The following SIL1 variants were observed in gnomAD, a reference collection of about 807,000 sequenced individuals.
SIL1 encodes the protein nucleotide exchange factor SIL1.
SIL1 carries 40 observed loss-of-function variants against 49.1 expected under a neutral mutation model. The observed-to-expected ratio is 0.81, with a 90% CI of 0.63 to 1.06. The LOEUF (loss-of-function observed/expected upper bound fraction) is 1.06. Ranked by LOEUF, SIL1 falls within the 50% of genes least tolerant of loss-of-function variation. The pLI, the probability that SIL1 is intolerant of heterozygous loss-of-function variation, is 0.00. For synonymous variants in SIL1, 253 were observed against 250.8 expected, an observed-to-expected ratio of 1.01 and a Z score of -0.08; for missense variants, 500 against 572.6, an observed-to-expected ratio of 0.87 and a Z score of 1.29.
At chr5:139,180,881 A>C (rs1751970903) in intron 1 of SIL1, among the ~76,000 whole-genome samples, 1 of 152,118 alleles carries the variant, frequency 6.6e-6, no homozygotes, top group Non-Finnish European at 1.5e-5. Context: ...TGAAGTCTCC[A>C]TAGCTCCTCT....
At chr5:138,976,987 C>G (rs989391165) in intron 7 of SIL1, among the ~76,000 whole-genome samples, 1 of 152,148 alleles carries the variant, frequency 6.6e-6, no homozygotes, top group African/African-American at 2.4e-5. Context: ...CAAGAGCTAC[C>G]TGGATCCACT....
chr5:139,011,685 A>G (rs1231161434), intron 7 of SIL1, among the ~76,000 whole-genome samples: 1 of 151,954 alleles, frequency 6.6e-6, no homozygotes, highest in Non-Finnish European at 1.5e-5. Context: ...TTTCACTCAT[A>G]GTGCCTTATT....
At chr5:138,950,497 G>T (rs1766745355) in intron 9 of SIL1, among the ~76,000 whole-genome samples, 1 of 152,228 alleles carries the variant, frequency 6.6e-6, no homozygotes, top group South Asian at 2.1e-4. Flanking sequence ...TCCAGCGGCT[G>T]CCCAGCCCTG....
intron 1 of SIL1, among the ~76,000 whole-genome samples, chr5:139,171,113 C>G (rs1254439291): frequency 6.6e-6 from 1 of 151,784 alleles, no homozygotes; most frequent in Admixed American, 6.5e-5. Context: ...GCCGCCCCGT[C>G]CGGGAGGTGA....
intron 1 of SIL1, among the ~76,000 whole-genome samples, chr5:139,153,505 T>A (rs1295868185): frequency 6.6e-6 from 1 of 152,216 alleles, no homozygotes; most frequent in Non-Finnish European, 1.5e-5. Flanking sequence ...ATTTAGAGTC[T>A]CTGTTAGACT....
chr5:139,148,323 G>C (rs372169924), intron 1 of SIL1, among the ~76,000 whole-genome samples: 1 of 152,110 alleles, frequency 6.6e-6, no homozygotes, highest in East Asian at 1.9e-4. Flanking sequence ...AACTGACAGG[G>C]GTACAGCTCA....
Position 139,079,118 on chromosome 5 carries a change from A to C in SIL1, c.245-28072T>G, listed in dbSNP as rs181982483. Among the ~76,000 whole-genome samples, 11 of 152,366 alleles carry C rather than the reference A, an allele frequency of 7.2e-5. No individual in the cohort carries two copies. The East Asian group carries it at 1.9e-3, about 27-fold the overall frequency. On this transcript the variant is annotated intron_variant, in intron 3 of 9. Coordinates refer to ENST00000394817, the MANE Select transcript of SIL1 (RefSeq NM_022464.5). ...GCACAGAAGTAGATCTTCATTTCACAAATAGTGCATCCCTGGAATATTGTG... is the reference window on the plus strand; with the variant it reads ...GCACAGAAGTAGATCTTCATTTCACCAATAGTGCATCCCTGGAATATTGTG...
At chr5:139,032,706 G>A (rs1480877934) in intron 5 of SIL1, among the ~76,000 whole-genome samples, 1 of 152,130 alleles carries the variant, frequency 6.6e-6, no homozygotes, top group African/African-American at 2.4e-5. Flanking sequence ...TTCCTTTATA[G>A]AAGGTTTTTC....
chr5:139,195,001 C>T (rs1321890457), intron 1 of SIL1, among the ~76,000 whole-genome samples: 2 of 150,810 alleles, frequency 1.3e-5, no homozygotes, highest in South Asian at 2.1e-4. Flanking sequence ...ACAATGATCT[C>T]GGCTCATTGC....
chr5:138,981,949 G>T (rs1767537393), intron 7 of SIL1, among the ~76,000 whole-genome samples: 1 of 152,126 alleles, frequency 6.6e-6, no homozygotes, highest in African/African-American at 2.4e-5. Context: ...GTCTAGCTGG[G>T]CGACACTAGG....
intron 1 of SIL1, among the ~76,000 whole-genome samples, chr5:139,129,579 G>A (rs181964432): frequency 3.7e-4 from 57 of 152,326 alleles, no homozygotes; most frequent in Admixed American, 5.9e-4. Flanking sequence ...GACTGAAGCC[G>A]GAGTATGGCG....
At chr5:138,979,354 C>A (rs1390938525) in intron 7 of SIL1, among the ~76,000 whole-genome samples, 1 of 152,160 alleles carries the variant, frequency 6.6e-6, no homozygotes, top group South Asian at 2.1e-4. Flanking sequence ...TGAGCCACAG[C>A]ACCCAGCCAA....
At chr5:139,196,202 A>G (rs1275980479) in intron 1 of SIL1, among the ~76,000 whole-genome samples, 2 of 152,142 alleles carry the variant, frequency 1.3e-5, no homozygotes, top group East Asian at 3.9e-4. Context: ...AAATAATAAT[A>G]ATAATAATAC....
intron 1 of SIL1, among the ~76,000 whole-genome samples, chr5:139,151,139 A>G (rs1283674794): frequency 6.6e-6 from 1 of 152,130 alleles, no homozygotes; most frequent in East Asian, 1.9e-4. Context: ...CTCAATGGAA[A>G]CCTTCCCTTT....
At chr5:138,995,233 T>G (rs1435048206) in intron 7 of SIL1, among the ~76,000 whole-genome samples, 1 of 149,546 alleles carries the variant, frequency 6.7e-6, no homozygotes, top group Non-Finnish European at 1.5e-5. Context: ...GGGATATCTA[T>G]CACCTTAAAT....
At chr5:139,104,688 T>A (rs770563274) in intron 3 of SIL1, among the ~76,000 whole-genome samples, 11 of 152,184 alleles carry the variant, frequency 7.2e-5, no homozygotes, top group Non-Finnish European at 1.2e-4. Context: ...TATATCCAGA[T>A]CCTTGAGTGG....
intron 3 of SIL1, among the ~76,000 whole-genome samples, chr5:139,100,418 CAG>C (rs1332172971): frequency 1.3e-5 from 2 of 152,140 alleles, no homozygotes; most frequent in Non-Finnish European, 2.9e-5. Context: ...AATGAAATGA[CAG>C]AGGTAATGGT....
chr5:138,951,929 G>A (rs1580976955), intron 7 of SIL1, 45 bp from the exon 8 acceptor site: 1 of 1,531,626 alleles, frequency 6.5e-7, no homozygotes, highest in Non-Finnish European at 9.0e-7. Flanking sequence ...GCCCAGCCCA[G>A]GGATCGGATG....
chr5:138,969,969 C>G (rs1767235498), intron 7 of SIL1, among the ~76,000 whole-genome samples: 1 of 152,200 alleles, frequency 6.6e-6, no homozygotes, highest in African/African-American at 2.4e-5. Context: ...AGCTTGATCT[C>G]AGAGGGGGAT....
Sources: gnomAD v4.1 joint callset for allele counts (sites outside exome capture counted in the v4.1 genomes callset) on GRCh38, gnomAD v4.1.1 for gene constraint, MANE v1.5 for transcripts, NCBI Gene and HGNC (gene_info 2026-07-23, HGNC 2026-07-21) for gene names.